GLT1D1: variants seen among roughly 807,000 people sequenced by gnomAD.
GLT1D1 encodes glycosyltransferase 1 domain-containing protein 1.
A neutral mutation model predicts 28.7 loss-of-function variants in GLT1D1; 21 were observed. That is an observed-to-expected ratio of 0.73 (90% CI 0.52 to 1.05). The LOEUF is 1.05. GLT1D1 is among the 50% of genes least tolerant of loss of function. The pLI, the probability that GLT1D1 is intolerant of heterozygous loss-of-function variation, is 0.00. For synonymous variants in GLT1D1, 147 were observed against 124.8 expected, an observed-to-expected ratio of 1.18 and a Z score of -1.19; for missense variants, 343 against 330.6, an observed-to-expected ratio of 1.04 and a Z score of -0.29.
At chr12:128,934,672 T>C (rs868278217) in intron 4 of GLT1D1, among the ~76,000 whole-genome samples, 31 of 151,540 alleles carry the variant, frequency 2.0e-4, no homozygotes, top group African/African-American at 7.0e-4. Context: ...CAGCCAAAAG[T>C]TATTGATTAG....
chr12:128,921,158 A>G (rs1872624655), intron 4 of GLT1D1, among the ~76,000 whole-genome samples: 1 of 151,912 alleles, frequency 6.6e-6, no homozygotes, highest in Non-Finnish European at 1.5e-5. Context: ...AAGTGCACAT[A>G]AGCTACTCAA....
chr12:128,919,451 G>A (rs185042772), intron 4 of GLT1D1, among the ~76,000 whole-genome samples: 4 of 152,280 alleles, frequency 2.6e-5, no homozygotes, highest in East Asian at 3.9e-4. Flanking sequence ...TCCACGTGGC[G>A]ATGCATTCTC....
intron 4 of GLT1D1, among the ~76,000 whole-genome samples, chr12:128,901,490 G>A (rs1251003306): frequency 6.7e-6 from 1 of 149,842 alleles, no homozygotes; most frequent in Non-Finnish European, 1.5e-5. Flanking sequence ...AGGCTGGAGT[G>A]CAGTGGCGCG....
intron 1 of GLT1D1, among the ~76,000 whole-genome samples, chr12:128,867,788 C>T (rs896962057): frequency 2.0e-5 from 3 of 152,070 alleles, no homozygotes; most frequent in African/African-American, 7.2e-5. Context: ...ATTGAAATGG[C>T]GGAGCATGGA....
chr12:128,891,793 A>G (rs1416496926), intron 3 of GLT1D1, among the ~76,000 whole-genome samples: 1 of 152,136 alleles, frequency 6.6e-6, no homozygotes, highest in African/African-American at 2.4e-5. Context: ...GGCAATGCAA[A>G]TGTGGACCCA....
At position 128,954,395 on chromosome 12, in the gene GLT1D1, G is replaced by T. The variant is rs558804947; in HGVS notation, c.541-3150G>T. 4.0e-5 allele frequency among the ~76,000 whole-genome samples: 6 copies of T among 151,698 alleles called. No individual in the cohort carries two copies. In the East Asian group the frequency reaches 9.7e-4, roughly 25 times the overall value. ...TCCTCCCGCCTCAGCCTCCCAAAGT[G>T]CTGGGATTACAGGCGTGAGCCACTG... On this transcript the variant is annotated intron_variant, in intron 6 of 7. Transcript: ENST00000281703.
chr12:128,933,212 C>T (rs967453678), intron 4 of GLT1D1, among the ~76,000 whole-genome samples: 6 of 152,248 alleles, frequency 3.9e-5, no homozygotes, highest in South Asian at 2.1e-4. Context: ...TTTACCAAGG[C>T]CAGTTTCTAG....
intron 1 of GLT1D1, among the ~76,000 whole-genome samples, chr12:128,859,202 C>T (rs1211194890): frequency 6.6e-6 from 1 of 152,160 alleles, no homozygotes; most frequent in Non-Finnish European, 1.5e-5. Flanking sequence ...CTCTTTTCAT[C>T]AACAACAGTT....
chr12:128,945,652 T>C (rs1875968884), intron 5 of GLT1D1, among the ~76,000 whole-genome samples: 1 of 152,232 alleles, frequency 6.6e-6, no homozygotes, highest in African/African-American at 2.4e-5. Context: ...GGTATTGCCC[T>C]TTGTCACAGC....
At chr12:128,947,544 A>G (rs950915326) in intron 6 of GLT1D1, 86 bp downstream of exon 10, 1 of 1,482,642 alleles carries the variant, frequency 6.7e-7, no homozygotes. Flanking sequence ...CGTCTTTGTC[A>G]ATAACATTCT....
intron 1 of GLT1D1, among the ~76,000 whole-genome samples, chr12:128,859,284 G>C (rs181905141): frequency 1.3e-5 from 2 of 152,322 alleles, no homozygotes; most frequent in Admixed American, 6.5e-5. Context: ...GTCTTAGGCA[G>C]AGCGTCAACC....
intron 7 of GLT1D1, among the ~76,000 whole-genome samples, chr12:128,969,068 C>T (rs1260250487): frequency 6.6e-6 from 1 of 152,020 alleles, no homozygotes; most frequent in African/African-American, 2.4e-5. Flanking sequence ...TAGTCACTCT[C>T]TCAGTCTCTG....
intron 7 of GLT1D1, among the ~76,000 whole-genome samples, chr12:128,966,481 C>T (rs368148097): frequency 6.6e-6 from 1 of 152,222 alleles, no homozygotes; most frequent in Non-Finnish European, 1.5e-5. Flanking sequence ...GCATGTGTCA[C>T]GGTGCCACAC....
intron 1 of GLT1D1, among the ~76,000 whole-genome samples, chr12:128,868,655 G>T (rs969445119): frequency 2.0e-5 from 3 of 152,170 alleles, no homozygotes; most frequent in Non-Finnish European, 4.4e-5. Context: ...CCTTGTAGCA[G>T]TGAGTAGCTC....
At chr12:128,862,336 A>G (rs1022970388) in intron 1 of GLT1D1, among the ~76,000 whole-genome samples, 9 of 151,054 alleles carry the variant, frequency 6.0e-5, no homozygotes, top group African/African-American at 1.9e-4. Context: ...CTCAAAAAAA[A>G]AAAAAAAAAA....
chr12:128,972,471 C>T (rs79896600), intron 7 of GLT1D1, among the ~76,000 whole-genome samples: 29,658 of 152,072 alleles, frequency 0.2, 3,465 homozygotes, highest in Non-Finnish European at 0.28. Context: ...AATTGTGGCC[C>T]GGGAAGAACC....
intron 7 of GLT1D1, among the ~76,000 whole-genome samples, chr12:128,976,491 C>T (rs1408009044): frequency 6.6e-6 from 1 of 152,216 alleles, no homozygotes; most frequent in African/African-American, 2.4e-5. Flanking sequence ...TTAACGACGG[C>T]GGCCTGCGCC....
At chr12:128,854,920 C>T (rs944148002) in intron 1 of GLT1D1, among the ~76,000 whole-genome samples, 24 of 152,096 alleles carry the variant, frequency 1.6e-4, no homozygotes, top group Non-Finnish European at 2.9e-4. Context: ...CTGAAATTTG[C>T]TGGAAAATTT....
intron 2 of GLT1D1, among the ~76,000 whole-genome samples, chr12:128,884,324 A>T (rs977525143): frequency 6.6e-6 from 1 of 152,242 alleles, no homozygotes; most frequent in African/African-American, 2.4e-5. Flanking sequence ...CATGGTTCTC[A>T]CTTGTATGTG....
Sources: allele counts gnomAD v4.1 joint callset (sites outside exome capture counted in the v4.1 genomes callset), GRCh38; gene constraint gnomAD v4.1.1; transcripts MANE v1.5; gene names NCBI Gene and HGNC (gene_info 2026-07-23, HGNC 2026-07-21).